Variants in OR56A3 observed in about 807,000 individuals in gnomAD.
The protein encoded by OR56A3 is olfactory receptor 56A3.
In OR56A3, 23 loss-of-function variants were observed where a neutral mutation model predicts 17.5. The ratio of observed to expected loss-of-function variants is 1.32; its 90% CI spans 0.95 to 1.87. OR56A3 has a LOEUF of 1.87. OR56A3 is among the 40% of genes most tolerant of loss of function. The pLI is 0.00. For synonymous variants in OR56A3, 175 were observed against 150.6 expected, an observed-to-expected ratio of 1.16 and a Z score of -1.19; for missense variants, 366 against 380.1, an observed-to-expected ratio of 0.96 and a Z score of 0.31.
In OR56A3 at chr11:5,951,269, C is replaced by G. The variant is rs1223455471; in HGVS notation, c.*2975C>G. ...TATTAGCATTAGAGTAATCGACAGA[C>G]ATTAATACGTTAAAGGTTTATCAGA... On this transcript the variant is annotated 3_prime_UTR_variant, in exon 3 of 3. Transcript: ENST00000641160. 2.6e-5 allele frequency: 4 copies of G among 151,976 alleles called. No individual in the cohort carries two copies. Among genetic ancestry groups the G allele is most frequent in the Non-Finnish European group, 1.5e-5 (1 of 67,978 alleles). The allele number at this position is 151,976 out of a possible 1,614,324, so 9.4% of individuals were successfully genotyped here.
At chr11:6,002,744 C>T in the OR56A3 span, 65 of 1,614,004 alleles carry the variant, frequency 4.0e-5, no homozygotes, top group Admixed American at 5.0e-5. Context: ...TGGCCAGGAC[C>T]TTGGGGATGA....
chr11:5,996,464 G>A, the OR56A3 span, among the ~76,000 whole-genome samples: 1 of 151,592 alleles, frequency 6.6e-6, no homozygotes, highest in Non-Finnish European at 1.5e-5. Context: ...TTGTCTTAGG[G>A]TAGATATTAC....
the OR56A3 span, among the ~76,000 whole-genome samples, chr11:5,978,506 C>T: frequency 3.3e-5 from 5 of 151,550 alleles, no homozygotes; most frequent in African/African-American, 1.2e-4. Context: ...TGACTTGGTT[C>T]TCAGCTTGGA....
At chr11:5,994,585 A>G in the OR56A3 span, 3 of 855,374 alleles carry the variant, frequency 3.5e-6, no homozygotes, top group Non-Finnish European at 5.9e-6. Flanking sequence ...GCCGAGTGAC[A>G]TTGGTGTCAT....
chr11:6,002,015 TAAC>T, the OR56A3 span: 103 of 1,495,230 alleles, frequency 6.9e-5, no homozygotes, highest in African/African-American at 1.2e-3. Flanking sequence ...CACTAACAAT[TAAC>T]AACTCTAAAG....
chr11:6,017,819 C>A, the OR56A3 span, among the ~76,000 whole-genome samples: 3 of 152,102 alleles, frequency 2.0e-5, no homozygotes, highest in Non-Finnish European at 2.9e-5. Flanking sequence ...CTACAAGAAA[C>A]TCACTTCACC....
At chr11:6,012,491 G>C in the OR56A3 span, among the ~76,000 whole-genome samples, 47 of 152,260 alleles carry the variant, frequency 3.1e-4, no homozygotes, top group African/African-American at 1.1e-3. Flanking sequence ...AGGAGGCATA[G>C]AGTGTGTGGC....
chr11:5,997,143 T>C, the OR56A3 span, among the ~76,000 whole-genome samples: 1 of 152,346 alleles, frequency 6.6e-6, no homozygotes, highest in East Asian at 1.9e-4. Flanking sequence ...ATCTCAGTTC[T>C]GTTTAAATGG....
At chr11:5,964,893 T>G in the OR56A3 span, among the ~76,000 whole-genome samples, 1 of 144,820 alleles carries the variant, frequency 6.9e-6, no homozygotes, top group South Asian at 2.2e-4. Context: ...TGTTCCCTGA[T>G]GTTGGGGGAG....
At chr11:6,008,810 A>G in the OR56A3 span, among the ~76,000 whole-genome samples, 1 of 152,126 alleles carries the variant, frequency 6.6e-6, no homozygotes, top group African/African-American at 2.4e-5. Flanking sequence ...AAAATGTAAC[A>G]TATAATTACA....
chr11:6,014,624 T>C, the OR56A3 span, among the ~76,000 whole-genome samples: 407 of 152,220 alleles, frequency 2.7e-3, 3 homozygotes, highest in African/African-American at 9.3e-3. Context: ...CCTGAAAATG[T>C]GGAAGCAACT....
chr11:5,960,243 CCTCCCT>C, the OR56A3 span, among the ~76,000 whole-genome samples: 2 of 151,954 alleles, frequency 1.3e-5, no homozygotes, highest in African/African-American at 2.4e-5. Flanking sequence ...TCCCCCTCCC[CCTCCCT>C]CTCCCTCTCC....
the OR56A3 span, among the ~76,000 whole-genome samples, chr11:5,989,377 C>G: frequency 6.6e-6 from 1 of 151,938 alleles, no homozygotes; most frequent in Non-Finnish European, 1.5e-5. Flanking sequence ...CCAAACTAGC[C>G]CTGGGGCTGC....
chr11:6,015,861 G>T, the OR56A3 span, among the ~76,000 whole-genome samples: 10 of 152,240 alleles, frequency 6.6e-5, no homozygotes, highest in East Asian at 1.9e-3. Context: ...TGTGACTTTG[G>T]ACTTTGGACT....
chr11:5,943,948 C>A (rs1223579110), intron 1 of OR56A3, among the ~76,000 whole-genome samples: 1 of 152,122 alleles, frequency 6.6e-6, no homozygotes, highest in Non-Finnish European at 1.5e-5. Flanking sequence ...GGGGTTGGGT[C>A]AATTATGCCA....
At chr11:5,996,609 A>G in the OR56A3 span, among the ~76,000 whole-genome samples, 1 of 152,062 alleles carries the variant, frequency 6.6e-6, no homozygotes, top group Admixed American at 6.6e-5. Flanking sequence ...TTCACATAAG[A>G]TGTATTTGGA....
the OR56A3 span, among the ~76,000 whole-genome samples, chr11:5,983,165 T>A: frequency 1.3e-5 from 2 of 152,210 alleles, no homozygotes; most frequent in Non-Finnish European, 2.9e-5. Flanking sequence ...CTTTTCTAAA[T>A]TCTTAAGTTG....
chr11:5,946,952 T>C (rs757761327), intron 2 of OR56A3, among the ~76,000 whole-genome samples: 4 of 152,212 alleles, frequency 2.6e-5, no homozygotes, highest in Non-Finnish European at 5.9e-5. Flanking sequence ...GTAGGCTATG[T>C]GTACATTAAA....
chr11:5,956,914 T>C, the OR56A3 span, among the ~76,000 whole-genome samples: 1 of 152,146 alleles, frequency 6.6e-6, no homozygotes, highest in African/African-American at 2.4e-5. Context: ...CCCAGCACTT[T>C]GGGAGGCCGA....
Sources: allele counts gnomAD v4.1 joint callset (sites outside exome capture counted in the v4.1 genomes callset), GRCh38; gene constraint gnomAD v4.1.1; transcripts MANE v1.5; gene names NCBI Gene and HGNC (gene_info 2026-07-23, HGNC 2026-07-21).